The following CSMD1 variants were observed in gnomAD, a reference collection of about 807,000 sequenced individuals.
CSMD1 encodes the protein CUB and sushi domain-containing protein 1.
Under a neutral mutation model 417.5 loss-of-function variants are expected in CSMD1, and 213 were observed. The observed-to-expected ratio is 0.51, with a 90% CI of 0.46 to 0.57. CSMD1 has a LOEUF of 0.57. Ranked by LOEUF, CSMD1 falls within the 20% of genes least tolerant of loss-of-function variation. CSMD1 has a pLI of 0.00. For missense variants in CSMD1, 6,923 were observed against 4,529.7 expected (o/e 1.53, Z -15.17); for synonymous variants, 2,862 against 1,736.8 (o/e 1.65, Z -16.11).
chr8:3,729,851 T>G (rs1442349736), intron 6 of CSMD1, among the ~76,000 whole-genome samples: 1 of 147,060 alleles, frequency 6.8e-6, no homozygotes, highest in Non-Finnish European at 1.5e-5. Flanking sequence ...ATATTCCATG[T>G]ATTGAAGCAC....
chr8:4,053,843 TA>T (rs927204367), intron 3 of CSMD1, among the ~76,000 whole-genome samples: 56 of 152,292 alleles, frequency 3.7e-4, no homozygotes, highest in African/African-American at 1.3e-3. Context: ...CTTTTACTAG[TA>T]GGTTGGTTTA....
intron 3 of CSMD1, among the ~76,000 whole-genome samples, chr8:4,289,250 T>C (rs1286915191): frequency 6.6e-6 from 1 of 152,224 alleles, no homozygotes; most frequent in East Asian, 1.9e-4. Flanking sequence ...TATTCAACTG[T>C]TTTCCCTGGA....
intron 12 of CSMD1, among the ~76,000 whole-genome samples, chr8:3,438,684 T>A (rs1433975648): frequency 1.3e-5 from 2 of 152,216 alleles, no homozygotes; most frequent in Admixed American, 1.3e-4. Context: ...CTTTGACTAT[T>A]ATGACTAAAG....
chr8:3,069,903 C>G (rs1813210468), intron 49 of CSMD1, among the ~76,000 whole-genome samples: 1 of 152,234 alleles, frequency 6.6e-6, no homozygotes, highest in African/African-American at 2.4e-5. Context: ...ACTCCAAAAT[C>G]TAGGTAGAGG....
At chr8:4,160,884 C>G (rs981652271) in intron 3 of CSMD1, among the ~76,000 whole-genome samples, 1 of 152,168 alleles carries the variant, frequency 6.6e-6, no homozygotes, top group African/African-American at 2.4e-5. Flanking sequence ...AAAGGACATA[C>G]TGCTGTTGTT....
At chr8:3,023,410 A>G (rs1002030742) in intron 51 of CSMD1, among the ~76,000 whole-genome samples, 5 of 152,230 alleles carry the variant, frequency 3.3e-5, no homozygotes, top group Admixed American at 6.5e-5. Context: ...AACAATAAAT[A>G]AATGTAATAA....
At chr8:3,588,299 A>C (rs952972814) in intron 8 of CSMD1, among the ~76,000 whole-genome samples, 2 of 147,402 alleles carry the variant, frequency 1.4e-5, no homozygotes, top group African/African-American at 2.5e-5. Context: ...AGAAAGAAAA[A>C]AATAACCAAA....
At chr8:3,841,659 A>G (rs1375621703) in intron 5 of CSMD1, among the ~76,000 whole-genome samples, 2 of 152,188 alleles carry the variant, frequency 1.3e-5, no homozygotes, top group Non-Finnish European at 2.9e-5. Flanking sequence ...TCAAATAAAA[A>G]AAAACCATGA....
At chr8:4,779,973 T>A (rs1297384756) in intron 1 of CSMD1, among the ~76,000 whole-genome samples, 1 of 152,162 alleles carries the variant, frequency 6.6e-6, no homozygotes, top group East Asian at 1.9e-4. Context: ...TTAAATAAAT[T>A]CTTGGCTTTT....
At chr8:3,391,457 A>C (rs999369155) in intron 17 of CSMD1, among the ~76,000 whole-genome samples, 1 of 152,324 alleles carries the variant, frequency 6.6e-6, no homozygotes, top group Middle Eastern at 3.4e-3. Flanking sequence ...TGATTTAAAG[A>C]TCAACATACA....
At chr8:3,641,471 G>A (rs1292854347) in intron 7 of CSMD1, among the ~76,000 whole-genome samples, 1 of 152,152 alleles carries the variant, frequency 6.6e-6, no homozygotes, top group African/African-American at 2.4e-5. Context: ...GTTTTTAGCT[G>A]AAAGAACAGG....
At chr8:4,769,542 A>G (rs1429967759) in intron 1 of CSMD1, among the ~76,000 whole-genome samples, 1 of 152,246 alleles carries the variant, frequency 6.6e-6, no homozygotes, top group East Asian at 1.9e-4. Flanking sequence ...AAGTAAAAAT[A>G]CCTATGTCAC....
chr8:4,668,245 G>T (rs986190200), intron 1 of CSMD1, among the ~76,000 whole-genome samples: 1 of 151,792 alleles, frequency 6.6e-6, no homozygotes, highest in African/African-American at 2.4e-5. Flanking sequence ...CCGTTGAAAA[G>T]CCCAAACCAC....
chr8:4,160,482 G>A (rs187919302), intron 3 of CSMD1, among the ~76,000 whole-genome samples: 60 of 152,256 alleles, frequency 3.9e-4, no homozygotes, highest in African/African-American at 1.4e-3. Context: ...GTCTTCATGA[G>A]GTCCGAACAT....
At position 3,586,278 on chromosome 8, in the gene CSMD1, A is replaced by T. The variant is rs781108782; in HGVS notation, c.1098-18T>A. 5.9e-5 allele frequency: 26 copies of T among 440,904 alleles called. No individual in the cohort carries two copies. The highest frequency in any genetic ancestry group is 7.4e-5 in the East Asian group (1 of 13,522). The allele number at this position is 440,904 out of a possible 1,614,324, so 27.3% of individuals were successfully genotyped here. A position where few individuals can be genotyped will look rare whatever the true frequency, so the allele number is the denominator to read the frequency against. ...CACCAACCCTAAGCCGTTAAAAAAG[A>T]AAAAAAAAAACCCAAATTATTTACA... is the stretch of plus-strand genomic sequence containing the variant. On this transcript the variant is annotated intron_variant, in intron 8 of 69. Coordinates refer to ENST00000635120, the MANE Select transcript of CSMD1 (RefSeq NM_033225.6).
At chr8:4,750,656 G>T (rs372475957) in intron 1 of CSMD1, among the ~76,000 whole-genome samples, 3 of 151,698 alleles carry the variant, frequency 2.0e-5, no homozygotes, top group African/African-American at 7.3e-5. Flanking sequence ...AAAATTAAAG[G>T]AATCTAGTTT....
chr8:4,687,801 G>A (rs1806485822), intron 1 of CSMD1, among the ~76,000 whole-genome samples: 1 of 149,314 alleles, frequency 6.7e-6, no homozygotes, highest in Non-Finnish European at 1.5e-5. Flanking sequence ...GGGAATGCAT[G>A]CACAGACAGA....
intron 7 of CSMD1, among the ~76,000 whole-genome samples, chr8:3,656,011 A>G (rs1469839064): frequency 6.6e-6 from 1 of 152,112 alleles, no homozygotes; most frequent in Non-Finnish European, 1.5e-5. Context: ...AATAAGTTTT[A>G]TTCTGCAAAG....
chr8:4,354,029 C>A (rs536956865), intron 3 of CSMD1, among the ~76,000 whole-genome samples: 1 of 152,154 alleles, frequency 6.6e-6, no homozygotes, highest in African/African-American at 2.4e-5. Flanking sequence ...AGGCTTTTTC[C>A]TCTCCATACC....
Sources: gnomAD v4.1 joint callset for allele counts (sites outside exome capture counted in the v4.1 genomes callset) on GRCh38, gnomAD v4.1.1 for gene constraint, MANE v1.5 for transcripts, NCBI Gene and HGNC (gene_info 2026-07-23, HGNC 2026-07-21) for gene names.